Variants in DIP2C observed in about 807,000 individuals in gnomAD.
The protein encoded by DIP2C is disco-interacting protein 2 homolog C.
Under a neutral mutation model 192.4 loss-of-function variants are expected in DIP2C, and 33 were observed. The observed-to-expected ratio is 0.17, with a 90% CI of 0.13 to 0.23. The LOEUF is 0.23. Among genes scored for constraint, DIP2C ranks in the 10% least tolerant of loss-of-function variants. The pLI is 1.00. For missense variants in DIP2C, 1,537 were observed against 2,110.1 expected (o/e 0.73, Z 5.32); for synonymous variants, 979 against 864.1 (o/e 1.13, Z -2.33).
chr10:527,035 T>TG (rs1847094762), intron 1 of DIP2C, among the ~76,000 whole-genome samples: 1 of 152,304 alleles, frequency 6.6e-6, no homozygotes. Context: ...GGGGGACAGC[T>TG]GTCTGCAGTG....
At chr10:575,310 A>G (rs953696292) in intron 1 of DIP2C, among the ~76,000 whole-genome samples, 1 of 152,244 alleles carries the variant, frequency 6.6e-6, no homozygotes. Flanking sequence ...ATAAAAAGTA[A>G]AATTCTCATT....
At chr10:451,211 G>A (rs754098631) in intron 3 of DIP2C, among the ~76,000 whole-genome samples, 5 of 152,214 alleles carry the variant, frequency 3.3e-5, no homozygotes, top group East Asian at 1.9e-4. Context: ...CAGATCATTC[G>A]ATTCTAAGTC....
intron 1 of DIP2C, chr10:669,465 G>C (rs1373922462): frequency 6.6e-6 from 1 of 152,160 alleles, no homozygotes; most frequent in Non-Finnish European, 1.5e-5. Context: ...CACTGAACCT[G>C]CACTCAACAC....
intron 3 of DIP2C, among the ~76,000 whole-genome samples, chr10:464,634 C>A (rs915133875): frequency 6.6e-6 from 1 of 152,162 alleles, no homozygotes; most frequent in African/African-American, 2.4e-5. Context: ...ACTGGGTATA[C>A]ACCCAAAGGA....
intron 1 of DIP2C, among the ~76,000 whole-genome samples, chr10:553,329 C>T (rs1231007479): frequency 1.3e-5 from 2 of 152,224 alleles, no homozygotes; most frequent in African/African-American, 4.8e-5. Flanking sequence ...GTGTGTGGCG[C>T]CTGGTCACTC....
intron 1 of DIP2C, among the ~76,000 whole-genome samples, chr10:546,207 G>C (rs182965545): frequency 6.6e-6 from 1 of 150,684 alleles, no homozygotes; most frequent in Non-Finnish European, 1.5e-5. Flanking sequence ...ACTTGAACCC[G>C]GGAAGCAGAG....
intron 31 of DIP2C, 110 bp from the exon 32 acceptor site, chr10:310,202 A>G (rs1956510658): frequency 9.5e-7 from 1 of 1,056,562 alleles, no homozygotes; most frequent in East Asian, 2.4e-5. Flanking sequence ...AGTGAAAAAT[A>G]AAACTAAAAA....
chr10:402,016 C>A (rs1330427490), intron 9 of DIP2C, among the ~76,000 whole-genome samples: 1 of 130,340 alleles, frequency 7.7e-6, no homozygotes, highest in Non-Finnish European at 1.6e-5. Flanking sequence ...TAGCATTACT[C>A]TTCCTTATGG....
chr10:534,459 G>T (rs1231525549), intron 1 of DIP2C, among the ~76,000 whole-genome samples: 1 of 152,098 alleles, frequency 6.6e-6, no homozygotes, highest in African/African-American at 2.4e-5. Flanking sequence ...CTTTTTGTCA[G>T]GTCCCTGTTA....
intron 1 of DIP2C, among the ~76,000 whole-genome samples, chr10:525,318 G>A (rs998819666): frequency 1.3e-5 from 2 of 152,202 alleles, no homozygotes; most frequent in African/African-American, 4.8e-5. Flanking sequence ...TATTCGGAAT[G>A]TGGTTTCTGA....
intron 3 of DIP2C, among the ~76,000 whole-genome samples, chr10:459,995 G>C (rs953509083): frequency 4.6e-5 from 7 of 151,028 alleles, no homozygotes; most frequent in Admixed American, 2.6e-4. Flanking sequence ...CCTGCTGCAC[G>C]TGAGCTCTAG....
In DIP2C at chr10:484,914, C is replaced by G. The variant is rs573637827; in HGVS notation, c.157+1545G>C. The G allele has an allele frequency of 6.2e-6, 10 of 1,611,508 alleles. No individual in the cohort carries two copies. The South Asian group carries it at 9.9e-5, about 16-fold the overall frequency. ...TCCTCGGCGCTCCTTCACTGTGCTG[C>G]AGTCTACACCGAACCACGGCAGCTC... On this transcript the variant is annotated intron_variant, in intron 2 of 36. Coordinates refer to ENST00000280886, the MANE Select transcript of DIP2C (RefSeq NM_014974.3).
In DIP2C at chr10:415,069, G is replaced by C. The variant is rs117315151; in HGVS notation, c.859+700C>G. On this transcript the variant is annotated intron_variant, in intron 7 of 36. Coordinates refer to ENST00000280886, the MANE Select transcript of DIP2C (RefSeq NM_014974.3). ...AGCTGTACATTTAAATCTGCTACAA[G>C]TACTCTGAATAACAGGAACACGGAG... 6.0e-3 allele frequency among the ~76,000 whole-genome samples: 915 copies of C among 151,744 alleles called. 3 individuals carry two copies. The highest frequency in any genetic ancestry group is 0.014 in the East Asian group (72 of 5,154).
chr10:394,210 A>G (rs946683608), intron 10 of DIP2C, among the ~76,000 whole-genome samples: 4 of 152,258 alleles, frequency 2.6e-5, no homozygotes. Flanking sequence ...GAGCCGGCAC[A>G]CTGGGCGCTA....
At chr10:525,268 C>A (rs1378918654) in intron 1 of DIP2C, among the ~76,000 whole-genome samples, 3 of 152,146 alleles carry the variant, frequency 2.0e-5, no homozygotes, top group African/African-American at 7.2e-5. Context: ...AATTTGACTT[C>A]AGCAATTTCC....
chr10:397,692 G>A (rs971338485), intron 10 of DIP2C, among the ~76,000 whole-genome samples: 7 of 152,156 alleles, frequency 4.6e-5, no homozygotes, highest in African/African-American at 1.7e-4. Flanking sequence ...CACTGCAGCC[G>A]CCCCACTTCA....
At chr10:493,813 C>T (rs1310189690) in intron 1 of DIP2C, among the ~76,000 whole-genome samples, 1 of 152,268 alleles carries the variant, frequency 6.6e-6, no homozygotes, top group African/African-American at 2.4e-5. Flanking sequence ...CAAGCACTAT[C>T]ATCCTTGTTT....
intron 1 of DIP2C, among the ~76,000 whole-genome samples, chr10:570,917 T>TC (rs1476167215): frequency 6.6e-6 from 1 of 152,158 alleles, no homozygotes; most frequent in Non-Finnish European, 1.5e-5. Context: ...AGCATCCCCC[T>TC]CCTCGCCAGG....
intron 1 of DIP2C, among the ~76,000 whole-genome samples, chr10:547,425 G>T (rs1306023905): frequency 6.6e-6 from 1 of 152,072 alleles, no homozygotes; most frequent in African/African-American, 2.4e-5. Flanking sequence ...CAAATACTCA[G>T]GGCTCACATC....
Sources: gnomAD v4.1 joint callset for allele counts (sites outside exome capture counted in the v4.1 genomes callset) on GRCh38, gnomAD v4.1.1 for gene constraint, MANE v1.5 for transcripts, NCBI Gene and HGNC (gene_info 2026-07-23, HGNC 2026-07-21) for gene names.